LRFN5: variants seen among roughly 807,000 people sequenced by gnomAD.
LRFN5 encodes the protein leucine-rich repeat and fibronectin type-III domain-containing protein 5.
LRFN5 carries 24 observed loss-of-function variants against 45.6 expected under a neutral mutation model. The observed-to-expected ratio is 0.53, with a 90% CI of 0.38 to 0.74. The LOEUF (loss-of-function observed/expected upper bound fraction) is 0.74. Among genes scored for constraint, LRFN5 ranks in the 30% least tolerant of loss-of-function variants. The probability of loss-of-function intolerance (pLI) is 0.00; values close to 1 mark genes in which losing one functional copy is unlikely to be tolerated. For missense variants in LRFN5, 776 were observed against 861.5 expected (o/e 0.90, Z 1.24); for synonymous variants, 340 against 313.8 (o/e 1.08, Z -0.88).
chr14:41,862,051 A>T (rs1594474561), intron 2 of LRFN5, among the ~76,000 whole-genome samples: 1 of 151,940 alleles, frequency 6.6e-6, no homozygotes, highest in Non-Finnish European at 1.5e-5. Flanking sequence ...TACTTCACTC[A>T]CCTTCTCTCT....
intron 1 of LRFN5, among the ~76,000 whole-genome samples, chr14:41,609,732 C>T (rs548366749): frequency 3.3e-5 from 5 of 152,290 alleles, no homozygotes; most frequent in Admixed American, 2.6e-4. Flanking sequence ...TGCTTGCTGG[C>T]TACATTCAGC....
chr14:41,888,955 A>G (rs572735099), intron 3 of LRFN5, among the ~76,000 whole-genome samples: 11 of 151,480 alleles, frequency 7.3e-5, no homozygotes, highest in East Asian at 1.9e-4. Flanking sequence ...TGCATTTTAT[A>G]TATATATATA....
chr14:41,896,423 T>A (rs1465134054), intron 4 of LRFN5, among the ~76,000 whole-genome samples: 1 of 152,200 alleles, frequency 6.6e-6, no homozygotes, highest in Non-Finnish European at 1.5e-5. Flanking sequence ...TGTATGCTTC[T>A]GTGTGAGTGT....
At chr14:41,645,556 A>G (rs1402481176) in intron 1 of LRFN5, among the ~76,000 whole-genome samples, 1 of 152,166 alleles carries the variant, frequency 6.6e-6, no homozygotes, top group African/African-American at 2.4e-5. Flanking sequence ...TTACTCCTAC[A>G]TGTTAGAAGA....
At chr14:41,876,367 G>A (rs373782467) in intron 2 of LRFN5, among the ~76,000 whole-genome samples, 33 of 133,692 alleles carry the variant, frequency 2.5e-4, no homozygotes, top group Admixed American at 1.4e-3. Context: ...TGCAAGCTCC[G>A]CCTCCCGGGT....
At chr14:41,863,769 C>T (rs553849111) in intron 2 of LRFN5, among the ~76,000 whole-genome samples, 1 of 152,222 alleles carries the variant, frequency 6.6e-6, no homozygotes, top group South Asian at 2.1e-4. Flanking sequence ...GTCGCATTGT[C>T]GTTTTCTGCA....
intron 4 of LRFN5, chr14:41,895,012 T>G: frequency 1.0e-6 from 1 of 982,976 alleles, no homozygotes; most frequent in Non-Finnish European, 1.2e-6. Context: ...TTTCTTTTAT[T>G]TTTGTCATTT....
intron 1 of LRFN5, among the ~76,000 whole-genome samples, chr14:41,707,446 A>G (rs1883112024): frequency 6.6e-6 from 1 of 152,126 alleles, no homozygotes; most frequent in Non-Finnish European, 1.5e-5. Flanking sequence ...CAATCTTTGT[A>G]TATTTTTACA....
chr14:41,887,161 A>G lies in LRFN5; in HGVS notation c.536A>G (p.Asp179Gly). Residue 179 changes from aspartate (D) to glycine (G), a missense_variant, in exon 3 of 6, where the codon GAT becomes GGT. Around this residue, in one of 2 missense-constraint regions of LRFN5, gnomAD observed 311 missense variants for 405.1 expected, o/e 0.77. Transcript: ENST00000298119. The surrounding 1 kb of genome is among the most constrained non-coding windows in gnomAD (Gnocchi z 4.8). ...KMVSLHTLSL[D>G]HNMIDNIPKG... ...GTTAGCTTGCATACCCTTAGTTTGG[A>G]TCACAATATGATTGATAACATTCCT... 1.2e-6 allele frequency: 2 copies of G among 1,614,068 alleles called. No homozygotes were observed. Among genetic ancestry groups the G allele is most frequent in the Non-Finnish European group, 1.7e-6 (2 of 1,180,014 alleles).
intron 1 of LRFN5, chr14:41,731,660 A>C (rs1392021538): frequency 2.6e-5 from 4 of 152,100 alleles, no homozygotes; most frequent in African/African-American, 9.7e-5. Context: ...TCATCCCCTA[A>C]CTGATTTCTC....
chr14:41,873,783 A>G (rs1890101396), intron 2 of LRFN5, among the ~76,000 whole-genome samples: 1 of 152,154 alleles, frequency 6.6e-6, no homozygotes, highest in Non-Finnish European at 1.5e-5. Context: ...CATACTGATG[A>G]TCATTCTTTC....
chr14:41,888,050 C>T (rs1340483973), intron 3 of LRFN5, 40 bp downstream of exon 3: 1 of 1,464,750 alleles, frequency 6.8e-7, no homozygotes, highest in South Asian at 1.3e-5. Context: ...TACCATGCAT[C>T]TTAGTGTAGA....
At chr14:41,687,351 G>T (rs11157246) in intron 1 of LRFN5, among the ~76,000 whole-genome samples, 43,276 of 151,988 alleles carry the variant, frequency 0.28, 6,276 homozygotes, top group South Asian at 0.37. Context: ...ATGCTGGTGA[G>T]GCTGTGGAGA....
chr14:41,721,875 A>T (rs528885605), intron 1 of LRFN5, among the ~76,000 whole-genome samples: 1 of 152,176 alleles, frequency 6.6e-6, no homozygotes, highest in East Asian at 1.9e-4. Flanking sequence ...AGTATCTCAC[A>T]GTTCTTCTCT....
At chr14:41,651,833 C>CTAGA (rs1363606304) in intron 1 of LRFN5, among the ~76,000 whole-genome samples, 2 of 152,128 alleles carry the variant, frequency 1.3e-5, no homozygotes, top group Non-Finnish European at 2.9e-5. Flanking sequence ...ATTCTAGAGA[C>CTAGA]TAGAAGTACA....
chr14:41,804,421 T>A (rs1887448377), intron 2 of LRFN5, among the ~76,000 whole-genome samples: 1 of 152,082 alleles, frequency 6.6e-6, no homozygotes, highest in Non-Finnish European at 1.5e-5. Context: ...AGGCTAATCT[T>A]AATTTCTACA....
intron 1 of LRFN5, among the ~76,000 whole-genome samples, chr14:41,720,594 A>G (rs1410349481): frequency 6.6e-6 from 1 of 152,078 alleles, no homozygotes; most frequent in African/African-American, 2.4e-5. Context: ...CTGTTTACAT[A>G]TATTTCAAAT....
chr14:41,894,665 G>T (rs1318114853), intron 4 of LRFN5: 2 of 985,034 alleles, frequency 2.0e-6, no homozygotes, highest in African/African-American at 3.5e-5. Context: ...CTACAGAAAA[G>T]GTGGGAATGA....
chr14:41,896,637 CA>C (rs1342828072), intron 4 of LRFN5, among the ~76,000 whole-genome samples: 1 of 152,072 alleles, frequency 6.6e-6, no homozygotes, highest in Non-Finnish European at 1.5e-5. Flanking sequence ...TTTTTACTTT[CA>C]AAGGACAGAT....
Sources: allele counts gnomAD v4.1 joint callset (sites outside exome capture counted in the v4.1 genomes callset), GRCh38; gene constraint gnomAD v4.1.1; regional missense constraint gnomAD v4.1.1; non-coding constraint Gnocchi (gnomAD v3.1); transcripts MANE v1.5; gene names NCBI Gene and HGNC (gene_info 2026-07-23, HGNC 2026-07-21).